The following PCDH15 variants were observed in gnomAD, a reference collection of about 807,000 sequenced individuals.
The protein encoded by PCDH15 is protocadherin related 15, also known as protocadherin-15.
In PCDH15, 129 loss-of-function variants were observed where a neutral mutation model predicts 178.5. The observed-to-expected ratio is 0.72, with a 90% CI of 0.63 to 0.84. The LOEUF (loss-of-function observed/expected upper bound fraction) is 0.84, where lower values mean the gene tolerates loss of function less well. PCDH15 is among the 40% of genes least tolerant of loss of function. The probability of loss-of-function intolerance (pLI) is 0.00; values close to 1 mark genes in which losing one functional copy is unlikely to be tolerated. For synonymous variants in PCDH15, 800 were observed against 732.0 expected, an observed-to-expected ratio of 1.09 and a Z score of -1.50; for missense variants, 2,230 against 2,099.9, an observed-to-expected ratio of 1.06 and a Z score of -1.21.
At chr10:54,871,351 A>T (rs2131795117) in intron 3 of PCDH15, among the ~76,000 whole-genome samples, 1 of 152,096 alleles carries the variant, frequency 6.6e-6, no homozygotes, top group East Asian at 1.9e-4. Context: ...TGAGGTTCTC[A>T]TATATTATGT....
chr10:54,255,180 C>CT (rs1051302467), intron 8 of PCDH15, among the ~76,000 whole-genome samples: 25 of 152,108 alleles, frequency 1.6e-4, no homozygotes, highest in African/African-American at 6.0e-4. Context: ...AAACTATAAC[C>CT]TTTTAACCCT....
chr10:54,051,191 A>G (rs1241161559), intron 18 of PCDH15, among the ~76,000 whole-genome samples: 1 of 152,170 alleles, frequency 6.6e-6, no homozygotes, highest in African/African-American at 2.4e-5. Flanking sequence ...CACAGAAAGT[A>G]GGGTTGCTGT....
At chr10:54,428,492 C>T (rs543733705) in intron 3 of PCDH15, among the ~76,000 whole-genome samples, 8 of 152,204 alleles carry the variant, frequency 5.3e-5, no homozygotes, top group South Asian at 2.1e-4. Flanking sequence ...TGTACCTTCA[C>T]GTGGTAAATC....
At chr10:54,861,093 T>C (rs1263410720) in intron 3 of PCDH15, among the ~76,000 whole-genome samples, 2 of 152,122 alleles carry the variant, frequency 1.3e-5, no homozygotes, top group Admixed American at 1.3e-4. Flanking sequence ...ATCATGAAAA[T>C]AACTGTCCTT....
At chr10:53,926,204 T>G (rs1053826119) in intron 25 of PCDH15, among the ~76,000 whole-genome samples, 2 of 152,328 alleles carry the variant, frequency 1.3e-5, no homozygotes, top group African/African-American at 4.8e-5. Flanking sequence ...CTTTTTAGCA[T>G]TCATTCTATC....
At chr10:55,318,351 ATAAAT>A (rs1372474263) in intron 1 of PCDH15, among the ~76,000 whole-genome samples, 2 of 152,320 alleles carry the variant, frequency 1.3e-5, no homozygotes, top group African/African-American at 4.8e-5. Context: ...GAAGGAGACA[ATAAAT>A]TAAGTATGTT....
intron 1 of PCDH15, among the ~76,000 whole-genome samples, chr10:54,676,292 G>A (rs955778649): frequency 1.3e-5 from 2 of 151,752 alleles, no homozygotes; most frequent in African/African-American, 2.4e-5. Flanking sequence ...AAACTACTGG[G>A]GCTGTTTTTA....
intron 3 of PCDH15, among the ~76,000 whole-genome samples, chr10:54,445,189 ATTTT>A (rs1000593351): frequency 6.6e-6 from 1 of 150,580 alleles, no homozygotes; most frequent in Non-Finnish European, 1.5e-5. Flanking sequence ...TTTTGCTTTT[ATTTT>A]TTTCTCCATA....
intron 2 of PCDH15, among the ~76,000 whole-genome samples, chr10:55,037,474 C>T (rs1013507034): frequency 1.3e-5 from 2 of 152,060 alleles, no homozygotes; most frequent in Admixed American, 6.5e-5. Context: ...CCTCGTGATG[C>T]GCCCATCTCG....
chr10:53,826,753 G>A (rs1003262120), intron 32 of PCDH15, among the ~76,000 whole-genome samples: 1 of 152,008 alleles, frequency 6.6e-6, no homozygotes, highest in African/African-American at 2.4e-5. Flanking sequence ...GTTTCAAATC[G>A]TGCAGGAGAA....
At chr10:54,171,018 T>C (rs28819503) in intron 13 of PCDH15, among the ~76,000 whole-genome samples, 57,003 of 151,768 alleles carry the variant, frequency 0.38, 11,223 homozygotes, top group Middle Eastern at 0.45. Context: ...ATAACTAAAA[T>C]ACCTCTTAGT....
At chr10:55,194,136 T>A (rs531672426) in intron 1 of PCDH15, among the ~76,000 whole-genome samples, 1 of 152,044 alleles carries the variant, frequency 6.6e-6, no homozygotes, top group Non-Finnish European at 1.5e-5. Context: ...GCATTCAAAA[T>A]CCTGGCATGT....
intron 2 of PCDH15, among the ~76,000 whole-genome samples, chr10:55,470,356 A>G (rs750210950): frequency 4.2e-4 from 64 of 152,118 alleles, no homozygotes; most frequent in Non-Finnish European, 7.2e-4. Flanking sequence ...AAAAAAGAAA[A>G]AAAAAAAGGT....
chr10:55,520,535 G>A (rs994476414), intron 2 of PCDH15, among the ~76,000 whole-genome samples: 18 of 129,976 alleles, frequency 1.4e-4, no homozygotes, highest in South Asian at 2.6e-4. Flanking sequence ...ATATATATAT[G>A]TATATATATT....
chr10:55,001,880 A>T (rs921427980), intron 2 of PCDH15, among the ~76,000 whole-genome samples: 4 of 152,208 alleles, frequency 2.6e-5, no homozygotes, highest in Non-Finnish European at 4.4e-5. Flanking sequence ...ATTTCTCTAA[A>T]TTACTGTACT....
intron 1 of PCDH15, among the ~76,000 whole-genome samples, chr10:55,176,729 C>A (rs1839498417): frequency 6.6e-6 from 1 of 152,228 alleles, no homozygotes; most frequent in East Asian, 1.9e-4. Flanking sequence ...ATCCTGCTAA[C>A]TCAAGTACCT....
chr10:55,222,730 C>CACACACACACACACACACACACAT, intron 1 of PCDH15, among the ~76,000 whole-genome samples: 2 of 121,278 alleles, frequency 1.6e-5, no homozygotes, highest in Admixed American at 8.1e-5. Context: ...CACACACACA[C>CACACACACACACACACACACACAT]ATATATATAT....
chr10:54,320,908 C>T (rs901120969), intron 7 of PCDH15, among the ~76,000 whole-genome samples: 3 of 151,698 alleles, frequency 2.0e-5, no homozygotes, highest in Non-Finnish European at 4.4e-5. Context: ...GTTGCATCAT[C>T]CAGTGTTTTA....
intron 2 of PCDH15, among the ~76,000 whole-genome samples, chr10:55,068,770 TGTGTGTGTGTGTGTGCGTGCAC>T (rs1841635100): frequency 3.1e-5 from 1 of 32,508 alleles, no homozygotes; most frequent in African/African-American, 7.4e-5. Flanking sequence ...CTTTCATCAT[TGTGTGTGTGTGTGTGCGTGCAC>T]GTGTGTGTGT....
Sources: gnomAD v4.1 joint callset for allele counts (sites outside exome capture counted in the v4.1 genomes callset) on GRCh38, gnomAD v4.1.1 for gene constraint, MANE v1.5 for transcripts, NCBI Gene and HGNC (gene_info 2026-07-23, HGNC 2026-07-21) for gene names.